Variants in CADPS observed in about 807,000 individuals in gnomAD.
The protein encoded by CADPS is calcium dependent secretion activator, also known as calcium-dependent secretion activator 1.
CADPS carries 57 observed loss-of-function variants against 167.3 expected under a neutral mutation model. The observed-to-expected ratio is 0.34, with a 90% CI of 0.28 to 0.42. The LOEUF (loss-of-function observed/expected upper bound fraction) is 0.42, where lower values mean the gene tolerates loss of function less well. CADPS is among the 20% of genes least tolerant of loss of function. The pLI is 1.00. For missense variants in CADPS, 1,414 were observed against 1,738.1 expected (o/e 0.81, Z 3.32); for synonymous variants, 676 against 635.3 (o/e 1.06, Z -0.96).
intron 13 of CADPS, among the ~76,000 whole-genome samples, chr3:62,525,255 G>A (rs751131943): frequency 1.7e-4 from 26 of 152,212 alleles, no homozygotes; most frequent in Admixed American, 3.3e-4. Context: ...CAGAAAGAGA[G>A]TCACGTGGGT....
chr3:62,754,661 T>G (rs1350640250), intron 2 of CADPS, among the ~76,000 whole-genome samples: 1 of 152,164 alleles, frequency 6.6e-6, no homozygotes, highest in Admixed American at 6.5e-5. Context: ...GATAATTTTT[T>G]AAACTTTTTG....
At chr3:62,638,676 C>A (rs2066818993) in intron 6 of CADPS, among the ~76,000 whole-genome samples, 1 of 152,130 alleles carries the variant, frequency 6.6e-6, no homozygotes, top group Non-Finnish European at 1.5e-5. Flanking sequence ...GTCTAACTGA[C>A]AAACTCCAGC....
intron 1 of CADPS, among the ~76,000 whole-genome samples, chr3:62,822,216 C>T (rs777506903): frequency 1.3e-5 from 2 of 152,206 alleles, no homozygotes; most frequent in Non-Finnish European, 2.9e-5. Context: ...TCTACTCACA[C>T]ACAAAGCAGA....
At chr3:62,745,758 G>A (rs953809934) in intron 3 of CADPS, among the ~76,000 whole-genome samples, 8 of 152,280 alleles carry the variant, frequency 5.3e-5, no homozygotes, top group Non-Finnish European at 7.3e-5. Context: ...GCTCCTTGAG[G>A]CCATAACTGC....
rs186845676 is a variant in CADPS at position 62,810,012 on chromosome 3, G to A, written c.442-44028C>T. On this transcript the variant is annotated intron_variant, in intron 1 of 29. Transcript: ENST00000383710. ...GGATTATTTTCAAGTGGTCCACACTGGCCTGCATATTTTCTGAATCTAATT... is the reference window on the plus strand; with the variant it reads ...GGATTATTTTCAAGTGGTCCACACTAGCCTGCATATTTTCTGAATCTAATT... 1.3e-3 allele frequency among the ~76,000 whole-genome samples: 194 copies of A among 152,148 alleles called. 1 individual carries two copies. Among genetic ancestry groups the A allele is most frequent in the Non-Finnish European group, 1.4e-3 (95 of 68,000 alleles).
intron 5 of CADPS, 102 bp downstream of exon 5, chr3:62,650,745 C>T: frequency 1.3e-6 from 1 of 783,578 alleles, no homozygotes. Context: ...TTAATAACTG[C>T]TCCTGGGGTG....
chr3:62,820,614 C>A (rs772947140), intron 1 of CADPS, among the ~76,000 whole-genome samples: 18 of 152,060 alleles, frequency 1.2e-4, no homozygotes, highest in Non-Finnish European at 2.4e-4. Context: ...CTAGTTTAGG[C>A]CTGGCATTAA....
chr3:62,638,530 G>T (rs886654807), intron 6 of CADPS, among the ~76,000 whole-genome samples: 1 of 152,066 alleles, frequency 6.6e-6, no homozygotes, highest in Non-Finnish European at 1.5e-5. Flanking sequence ...GAATCAGAAA[G>T]GAAATGACCT....
At chr3:62,496,856 T>C (rs894829937) in intron 18 of CADPS, among the ~76,000 whole-genome samples, 1 of 152,154 alleles carries the variant, frequency 6.6e-6, no homozygotes, top group African/African-American at 2.4e-5. Flanking sequence ...AGACGCTCAA[T>C]AGGTAGCTTT....
intron 22 of CADPS, 111 bp downstream of exon 22, chr3:62,481,612 C>G: frequency 1.0e-6 from 1 of 997,104 alleles, no homozygotes; most frequent in Non-Finnish European, 1.4e-6. Flanking sequence ...CAAAATATGT[C>G]TAATTATCCA....
intron 6 of CADPS, among the ~76,000 whole-genome samples, chr3:62,593,769 A>G (rs2086612833): frequency 2.0e-5 from 3 of 152,180 alleles, no homozygotes; most frequent in South Asian, 2.1e-4. Flanking sequence ...TGATCTCCCA[A>G]TCTAAACTGG....
At chr3:62,571,098 C>T (rs1168031882) in intron 8 of CADPS, among the ~76,000 whole-genome samples, 160 bp from the exon 9 acceptor site, 1 of 152,154 alleles carries the variant, frequency 6.6e-6, no homozygotes, top group African/African-American at 2.4e-5. Context: ...TAAACAACAG[C>T]AAGCACTTTT....
At chr3:62,431,398 C>A (rs775038193) in intron 28 of CADPS, among the ~76,000 whole-genome samples, 26 of 152,044 alleles carry the variant, frequency 1.7e-4, no homozygotes, top group Non-Finnish European at 3.5e-4. Context: ...TTAGCCCCCC[C>A]TCAATCTTTT....
intron 1 of CADPS, among the ~76,000 whole-genome samples, chr3:62,873,432 T>G (rs887505610): frequency 3.9e-5 from 6 of 152,162 alleles, no homozygotes; most frequent in African/African-American, 1.4e-4. Flanking sequence ...TTGACTGGCT[T>G]TTTTGATAGC....
intron 1 of CADPS, among the ~76,000 whole-genome samples, chr3:62,794,876 C>T (rs1012045520): frequency 1.1e-4 from 16 of 151,490 alleles, no homozygotes; most frequent in African/African-American, 3.6e-4. Context: ...TCTAATTTCT[C>T]CCTTGTCTTG....
intron 9 of CADPS, among the ~76,000 whole-genome samples, chr3:62,567,695 G>A (rs1406405518): frequency 2.1e-5 from 3 of 143,844 alleles, no homozygotes; most frequent in South Asian, 2.3e-4. Context: ...CTGCCTCCGC[G>A]TTCCCTGTAG....
In CADPS at chr3:62,549,457, T is replaced by A. The variant is rs552326432; in HGVS notation, c.1966+446A>T. Among the ~76,000 whole-genome samples the A allele has an allele frequency of 8.6e-4, 130 of 151,206 alleles. 1 individual carries two copies. The highest frequency in any genetic ancestry group is 3.0e-3 in the African/African-American group (124 of 41,350). ...GGTACCATGTTTTGTGTTTTTTTTT[T>A]TTTTTTCGCTGCATGTGATAATGTC... On this transcript the variant is annotated intron_variant, in intron 11 of 29. Transcript: ENST00000383710.
chr3:62,632,088 A>G (rs775169151), intron 6 of CADPS, among the ~76,000 whole-genome samples: 4 of 152,158 alleles, frequency 2.6e-5, no homozygotes, highest in Non-Finnish European at 4.4e-5. Context: ...AACTAATAAC[A>G]CCATTTCCTA....
chr3:62,797,934 A>G (rs2093539750), intron 1 of CADPS, among the ~76,000 whole-genome samples: 1 of 152,226 alleles, frequency 6.6e-6, no homozygotes, highest in Non-Finnish European at 1.5e-5. Flanking sequence ...ATGAAAACTA[A>G]TAAATGCAAA....
Sources: gnomAD v4.1 joint callset for allele counts (sites outside exome capture counted in the v4.1 genomes callset) on GRCh38, gnomAD v4.1.1 for gene constraint, MANE v1.5 for transcripts, NCBI Gene and HGNC (gene_info 2026-07-23, HGNC 2026-07-21) for gene names.